SLC10A7: variants seen among roughly 807,000 people sequenced by gnomAD.
SLC10A7 encodes solute carrier family 10 member 7.
SLC10A7 carries 29 observed loss-of-function variants against 43.2 expected under a neutral mutation model. The observed-to-expected ratio is 0.67, with a 90% CI of 0.50 to 0.92. SLC10A7 has a LOEUF of 0.92. Ranked by LOEUF, SLC10A7 falls within the 40% of genes least tolerant of loss-of-function variation. The pLI is 0.00. For synonymous variants in SLC10A7, 152 were observed against 144.8 expected (o/e 1.05, Z -0.35); for missense variants, 295 against 403.2 (o/e 0.73, Z 2.30).
chr4:146,284,108 G>A (rs937279852), intron 9 of SLC10A7, among the ~76,000 whole-genome samples: 6 of 152,120 alleles, frequency 3.9e-5, no homozygotes, highest in African/African-American at 1.4e-4. Context: ...AGTTAAAAAT[G>A]TCATTGTTAT....
chr4:146,430,568 C>T (rs1222666873), intron 5 of SLC10A7, among the ~76,000 whole-genome samples: 1 of 152,090 alleles, frequency 6.6e-6, no homozygotes, highest in African/African-American at 2.4e-5. Flanking sequence ...AAATCTTGAA[C>T]TGTACACCAA....
intron 5 of SLC10A7, among the ~76,000 whole-genome samples, chr4:146,362,742 T>G (rs1429294525): frequency 1.3e-5 from 2 of 152,098 alleles, no homozygotes; most frequent in Admixed American, 1.3e-4. Context: ...CATGAGATTT[T>G]TAGTTTTTTC....
chr4:146,448,470 G>A (rs1045179667), intron 4 of SLC10A7, among the ~76,000 whole-genome samples: 8 of 151,884 alleles, frequency 5.3e-5, no homozygotes, highest in African/African-American at 1.9e-4. Flanking sequence ...GTACACTGCT[G>A]ACTCCTACCC....
At chr4:146,504,645 T>C (rs943236380) in intron 3 of SLC10A7, among the ~76,000 whole-genome samples, 6 of 152,200 alleles carry the variant, frequency 3.9e-5, no homozygotes, top group African/African-American at 1.4e-4. Context: ...AGGAAGTCTC[T>C]AAATCTTCAA....
chr4:146,347,158 G>C (rs778953065), intron 5 of SLC10A7, among the ~76,000 whole-genome samples: 4 of 152,068 alleles, frequency 2.6e-5, no homozygotes, highest in Non-Finnish European at 5.9e-5. Flanking sequence ...GGGAATGGTG[G>C]GGGTCAGAAC....
At chr4:146,269,743 G>A (rs999389145) in intron 10 of SLC10A7, among the ~76,000 whole-genome samples, 7 of 152,132 alleles carry the variant, frequency 4.6e-5, no homozygotes, top group African/African-American at 1.7e-4. Flanking sequence ...AGCAAAGCTG[G>A]ATGGTATGAC....
intron 5 of SLC10A7, among the ~76,000 whole-genome samples, chr4:146,382,974 C>G (rs1321874469): frequency 1.3e-5 from 2 of 151,976 alleles, no homozygotes; most frequent in African/African-American, 4.8e-5. Context: ...GTACCTCTAA[C>G]CACCTCTAGG....
At chr4:146,420,914 C>T (rs1447389918) in intron 5 of SLC10A7, among the ~76,000 whole-genome samples, 2 of 151,982 alleles carry the variant, frequency 1.3e-5, no homozygotes, top group African/African-American at 2.4e-5. Flanking sequence ...GTAGTCCCAG[C>T]TACTAGGAAG....
chr4:146,464,016 G>C (rs1255689015), intron 4 of SLC10A7, among the ~76,000 whole-genome samples: 1 of 151,190 alleles, frequency 6.6e-6, no homozygotes, highest in Non-Finnish European at 1.5e-5. Flanking sequence ...TGAGAGATGG[G>C]GTCCCACTAT....
chr4:146,315,336 T>G (rs1331007870), intron 6 of SLC10A7, among the ~76,000 whole-genome samples: 1 of 152,146 alleles, frequency 6.6e-6, no homozygotes, highest in Non-Finnish European at 1.5e-5. Flanking sequence ...TATTATATGC[T>G]GCTGATAAAG....
intron 4 of SLC10A7, among the ~76,000 whole-genome samples, chr4:146,500,819 A>G (rs1736336971): frequency 6.6e-6 from 1 of 152,036 alleles, no homozygotes; most frequent in East Asian, 1.9e-4. Flanking sequence ...CACCCCAAAT[A>G]AGCTTTTATC....
At chr4:146,275,649 T>A (rs1729158259) in intron 10 of SLC10A7, among the ~76,000 whole-genome samples, 1 of 152,120 alleles carries the variant, frequency 6.6e-6, no homozygotes, top group African/African-American at 2.4e-5. Flanking sequence ...TTCCAGCAGA[T>A]AAGGTATAAG....
chr4:146,350,199 GC>G (rs535964243), intron 5 of SLC10A7, among the ~76,000 whole-genome samples: 3,161 of 148,936 alleles, frequency 0.021, 110 homozygotes, highest in African/African-American at 0.074. Context: ...CCGAAGCAGG[GC>G]GAGGCATTGC....
chr4:146,419,751 G>A (rs568004233), intron 5 of SLC10A7, among the ~76,000 whole-genome samples: 2 of 151,964 alleles, frequency 1.3e-5, no homozygotes, highest in Admixed American at 6.6e-5. Flanking sequence ...CACGAGAATC[G>A]CTTGAGCCCA....
intron 5 of SLC10A7, among the ~76,000 whole-genome samples, chr4:146,350,121 C>G (rs902872038): frequency 6.7e-6 from 1 of 150,132 alleles, no homozygotes; most frequent in Non-Finnish European, 1.5e-5. Context: ...TCTGAGGTAC[C>G]GGGTTCATCT....
chr4:146,442,480 A>T (rs1028586394), intron 5 of SLC10A7: 318 of 1,117,896 alleles, frequency 2.8e-4, no homozygotes, highest in Non-Finnish European at 3.4e-4. Flanking sequence ...ATAATCTAAA[A>T]GACCTCATTA....
At chr4:146,314,146 C>T (rs938055938) in intron 6 of SLC10A7, among the ~76,000 whole-genome samples, 1 of 152,104 alleles carries the variant, frequency 6.6e-6, no homozygotes, top group Non-Finnish European at 1.5e-5. Flanking sequence ...CTGAACCTAG[C>T]TTTTCTCATA....
At chr4:146,496,576 G>C (rs999125470) in intron 4 of SLC10A7, among the ~76,000 whole-genome samples, 2 of 152,150 alleles carry the variant, frequency 1.3e-5, no homozygotes, top group African/African-American at 4.8e-5. Context: ...GTCTTACAGA[G>C]ACACAGAAAA....
At chr4:146,335,550 A>G (rs1341991523) in intron 5 of SLC10A7, among the ~76,000 whole-genome samples, 2 of 152,076 alleles carry the variant, frequency 1.3e-5, no homozygotes, top group African/African-American at 2.4e-5. Context: ...GACAAAATGT[A>G]TAGAAATATG....
Sources: allele counts gnomAD v4.1 joint callset (sites outside exome capture counted in the v4.1 genomes callset), GRCh38; gene constraint gnomAD v4.1.1; transcripts MANE v1.5; gene names NCBI Gene and HGNC (gene_info 2026-07-23, HGNC 2026-07-21).